Variants in C1QTNF3 observed in about 807,000 individuals in gnomAD.
C1QTNF3 encodes the protein complement C1q tumor necrosis factor-related protein 3.
C1QTNF3 carries 26 observed loss-of-function variants against 32.6 expected under a neutral mutation model. That is an observed-to-expected ratio of 0.80 (90% CI 0.58 to 1.11). The LOEUF (loss-of-function observed/expected upper bound fraction) is 1.11. C1QTNF3 is among the 50% of genes least tolerant of loss of function. The pLI, the probability that C1QTNF3 is intolerant of heterozygous loss-of-function variation, is 0.00. For synonymous variants in C1QTNF3, 155 were observed against 146.0 expected (o/e 1.06, Z -0.44); for missense variants, 362 against 398.2 (o/e 0.91, Z 0.77).
At chr5:34,100,536 T>C in the C1QTNF3 span, among the ~76,000 whole-genome samples, 2 of 151,922 alleles carry the variant, frequency 1.3e-5, no homozygotes, top group African/African-American at 4.8e-5. Context: ...ATATATTGTG[T>C]AATAACATAA....
chr5:34,055,107 AG>A, the C1QTNF3 span, among the ~76,000 whole-genome samples: 36 of 152,372 alleles, frequency 2.4e-4, no homozygotes, highest in East Asian at 5.2e-3. Context: ...ATTTTTCAGC[AG>A]GAACAGTTTG....
At chr5:34,031,745 GA>G (rs1489251148) in intron 3 of C1QTNF3, among the ~76,000 whole-genome samples, 6 of 152,166 alleles carry the variant, frequency 3.9e-5, no homozygotes, top group African/African-American at 1.4e-4. Flanking sequence ...TGAGGCAAGA[GA>G]ATCGCTTGAA....
chr5:34,101,594 T>G, the C1QTNF3 span, among the ~76,000 whole-genome samples: 3 of 151,310 alleles, frequency 2.0e-5, no homozygotes, highest in Non-Finnish European at 4.4e-5. Context: ...CTTTTTCAAA[T>G]TTATATTAAT....
chr5:34,184,715 CAA>C, the C1QTNF3 span, among the ~76,000 whole-genome samples: 36 of 129,584 alleles, frequency 2.8e-4, no homozygotes, highest in African/African-American at 8.1e-4. Context: ...GACTCTGTCT[CAA>C]AAAAAAAAAA....
chr5:34,102,104 T>C, the C1QTNF3 span, among the ~76,000 whole-genome samples: 2 of 149,798 alleles, frequency 1.3e-5, no homozygotes, highest in South Asian at 2.1e-4. Context: ...TACAGTAAAA[T>C]TGATTTCTAA....
At chr5:34,132,435 GTATATATATATATATATATA>G in the C1QTNF3 span, among the ~76,000 whole-genome samples, 418 of 137,744 alleles carry the variant, frequency 3.0e-3, 9 homozygotes, top group African/African-American at 0.012. Flanking sequence ...GTATGTGTAT[GTATATATATATATATATATA>G]TATATATATA....
the C1QTNF3 span, among the ~76,000 whole-genome samples, chr5:34,052,158 T>A: frequency 6.6e-6 from 1 of 152,166 alleles, no homozygotes; most frequent in Non-Finnish European, 1.5e-5. Context: ...GTACTCCAAG[T>A]TATTACTAAA....
At chr5:34,130,615 AG>A in the C1QTNF3 span, among the ~76,000 whole-genome samples, 1 of 152,184 alleles carries the variant, frequency 6.6e-6, no homozygotes, top group South Asian at 2.1e-4. Flanking sequence ...CTGTCTTCAA[AG>A]GGTTTTGAGA....
chr5:34,207,287 T>C, the C1QTNF3 span, among the ~76,000 whole-genome samples: 568 of 151,798 alleles, frequency 3.7e-3, 1 homozygote, highest in African/African-American at 0.013. Flanking sequence ...TATATATATA[T>C]ATATATGTAT....
the C1QTNF3 span, among the ~76,000 whole-genome samples, chr5:34,076,333 T>C: frequency 1.3e-5 from 2 of 151,610 alleles, no homozygotes; most frequent in Non-Finnish European, 2.9e-5. Context: ...ATTTAGAAAA[T>C]ACCTAGTGCT....
At chr5:34,087,570 CTTTTTTTTTT>C in the C1QTNF3 span, among the ~76,000 whole-genome samples, 4 of 70,026 alleles carry the variant, frequency 5.7e-5, no homozygotes, top group South Asian at 6.7e-4. Context: ...ACGCTTTTGT[CTTTTTTTTTT>C]TTTTTTTTTT....
the C1QTNF3 span, among the ~76,000 whole-genome samples, chr5:34,232,216 C>A: frequency 6.6e-6 from 1 of 152,028 alleles, no homozygotes; most frequent in African/African-American, 2.4e-5. Flanking sequence ...ATCCCTGTAC[C>A]CCCACTGTAT....
chr5:34,105,693 A>T, the C1QTNF3 span: 1 of 151,640 alleles, frequency 6.6e-6, no homozygotes, highest in African/African-American at 2.4e-5. Context: ...CGTCAATACT[A>T]CCAAGAAGTC....
In C1QTNF3 at chr5:34,018,702, A is replaced by G. The variant is rs775077639; in HGVS notation, c.*1881T>C. ...TTCAATATAATCTCTTTGTTGTCCA[A>G]GGGTCAAATATAATGTTTTCTACAC... On this transcript the variant is annotated 3_prime_UTR_variant, in exon 6 of 6. Coordinates refer to ENST00000382065, the MANE Select transcript of C1QTNF3 (RefSeq NM_181435.6). Among the ~76,000 whole-genome samples the G allele has an allele frequency of 1.3e-5, 2 of 152,214 alleles. No individual in the cohort carries two copies. The highest frequency in any genetic ancestry group is 2.9e-5 in the Non-Finnish European group (2 of 68,042).
chr5:34,122,064 C>A, the C1QTNF3 span, among the ~76,000 whole-genome samples: 1 of 152,158 alleles, frequency 6.6e-6, no homozygotes, highest in Non-Finnish European at 1.5e-5. Context: ...TTTATTACAG[C>A]AATTCAAACA....
chr5:34,200,979 A>C, the C1QTNF3 span: 45 of 151,930 alleles, frequency 3.0e-4, no homozygotes, highest in African/African-American at 1.0e-3. Context: ...AAATTTGCTT[A>C]TATGTAATTA....
chr5:34,084,377 T>C, the C1QTNF3 span, among the ~76,000 whole-genome samples: 1 of 151,782 alleles, frequency 6.6e-6, no homozygotes, highest in Non-Finnish European at 1.5e-5. Flanking sequence ...TTTAGAAATA[T>C]CTCACTGTTT....
the C1QTNF3 span, among the ~76,000 whole-genome samples, chr5:34,236,616 C>G: frequency 2.0e-3 from 233 of 118,372 alleles, 2 homozygotes; most frequent in Admixed American, 0.019. Flanking sequence ...TGTTGCTGCC[C>G]AGGCTGTAGC....
the C1QTNF3 span, among the ~76,000 whole-genome samples, chr5:34,118,816 C>T: frequency 6.6e-6 from 1 of 152,056 alleles, no homozygotes; most frequent in Non-Finnish European, 1.5e-5. Context: ...GTAATTCCTG[C>T]TTTTCATCAC....
Sources: gnomAD v4.1 joint callset for allele counts (sites outside exome capture counted in the v4.1 genomes callset) on GRCh38, gnomAD v4.1.1 for gene constraint, MANE v1.5 for transcripts, NCBI Gene and HGNC (gene_info 2026-07-23, HGNC 2026-07-21) for gene names.